Variants in UHRF2 observed in about 807,000 individuals in gnomAD.
The protein encoded by UHRF2 is E3 ubiquitin-protein ligase UHRF2.
In UHRF2, 23 loss-of-function variants were observed where a neutral mutation model predicts 96.8. That is an observed-to-expected ratio of 0.24 (90% confidence interval 0.17 to 0.34). The LOEUF (loss-of-function observed/expected upper bound fraction) is 0.34, where lower values mean the gene tolerates loss of function less well. Ranked by LOEUF, UHRF2 falls within the 10% of genes least tolerant of loss-of-function variation. The pLI, the probability that UHRF2 is intolerant of heterozygous loss-of-function variation, is 1.00. For synonymous variants in UHRF2, 385 were observed against 332.6 expected, an observed-to-expected ratio of 1.16 and a Z score of -1.72; for missense variants, 685 against 981.5, an observed-to-expected ratio of 0.70 and a Z score of 4.04.
intron 14 of UHRF2, among the ~76,000 whole-genome samples, chr9:6,502,092 A>G (rs544026013): frequency 1.9e-3 from 294 of 152,356 alleles, no homozygotes; most frequent in Admixed American, 3.1e-3. Context: ...AGCCAGGAAC[A>G]CATTTATTAA....
At chr9:6,485,524 A>C (rs1824213236) in intron 8 of UHRF2, among the ~76,000 whole-genome samples, 1 of 151,748 alleles carries the variant, frequency 6.6e-6, no homozygotes, top group Non-Finnish European at 1.5e-5. Flanking sequence ...CCTTCTGCTG[A>C]GGTGTTTCAA....
chr9:6,431,479 C>T (rs1431123433), intron 2 of UHRF2, among the ~76,000 whole-genome samples: 2 of 152,042 alleles, frequency 1.3e-5, no homozygotes, highest in Non-Finnish European at 2.9e-5. Flanking sequence ...TGGCATATAC[C>T]TGTAGTCCTA....
intron 6 of UHRF2, among the ~76,000 whole-genome samples, chr9:6,480,468 A>G (rs952835385): frequency 6.6e-6 from 1 of 152,242 alleles, no homozygotes; most frequent in African/African-American, 2.4e-5. Flanking sequence ...GGATGGTATA[A>G]TTAGAAGAGT....
chr9:6,465,255 T>G (rs1822789379), intron 4 of UHRF2, among the ~76,000 whole-genome samples: 1 of 152,234 alleles, frequency 6.6e-6, no homozygotes, highest in Non-Finnish European at 1.5e-5. Context: ...TGTAGGATTT[T>G]TACATTTGTA....
intron 6 of UHRF2, among the ~76,000 whole-genome samples, chr9:6,479,869 C>G (rs1158183876): frequency 6.6e-6 from 1 of 152,224 alleles, no homozygotes; most frequent in Non-Finnish European, 1.5e-5. Context: ...CCAGCCCAAA[C>G]TACCATCTCT....
chr9:6,439,986 TTTA>T (rs1821070852), intron 3 of UHRF2, among the ~76,000 whole-genome samples: 1 of 152,222 alleles, frequency 6.6e-6, no homozygotes, highest in African/African-American at 2.4e-5. Flanking sequence ...CTTGTTTCAT[TTTA>T]GTAAGTGTGT....
intron 1 of UHRF2, among the ~76,000 whole-genome samples, chr9:6,416,311 G>A (rs557482025): frequency 9.2e-5 from 14 of 152,042 alleles, no homozygotes; most frequent in Non-Finnish European, 2.1e-4. Flanking sequence ...CAGGTGATGC[G>A]CCCACCTCGG....
At chr9:6,489,530 C>A (rs371504516) in intron 9 of UHRF2, among the ~76,000 whole-genome samples, 4 of 152,196 alleles carry the variant, frequency 2.6e-5, no homozygotes, top group Admixed American at 6.5e-5. Context: ...ATGTTCCTAT[C>A]GGCAGTATAT....
intron 12 of UHRF2, chr9:6,498,618 C>T (rs1825104761): frequency 6.5e-6 from 1 of 154,794 alleles, no homozygotes; most frequent in African/African-American, 2.4e-5. Flanking sequence ...AAGCTGCTTC[C>T]CTGCCCTGCC....
At chr9:6,444,539 C>T (rs1303588192) in intron 3 of UHRF2, among the ~76,000 whole-genome samples, 1 of 152,206 alleles carries the variant, frequency 6.6e-6, no homozygotes, top group East Asian at 1.9e-4. Context: ...GAAACAGATT[C>T]CTGAGGGGAC....
chr9:6,452,937 A>G lies in UHRF2; in HGVS notation c.645-7636A>G, dbSNP rs7847139. Among the ~76,000 whole-genome samples, 688 of 152,302 alleles carry G rather than the reference A, an allele frequency of 4.5e-3. 5 individuals carry two copies. The highest frequency in any genetic ancestry group is 0.016 in the African/African-American group (649 of 41,554). On this transcript the variant is annotated intron_variant, in intron 3 of 15. Coordinates refer to ENST00000276893, the MANE Select transcript of UHRF2 (RefSeq NM_152896.3). ...AAAATATTAGGTAACATTTGAGCGCATAATAGGTTCCCGACTTTAAGAGTA... is the reference window on the plus strand; with the variant it reads ...AAAATATTAGGTAACATTTGAGCGCGTAATAGGTTCCCGACTTTAAGAGTA...
At chr9:6,433,872 G>A in intron 2 of UHRF2, 42 bp from the exon 3 acceptor site, 1 of 1,575,624 alleles carries the variant, frequency 6.3e-7, no homozygotes, top group Non-Finnish European at 8.6e-7. Flanking sequence ...TGAAGCAGTA[G>A]ACAAAATTAA....
At chr9:6,474,819 T>C (rs1364301163) in intron 4 of UHRF2, among the ~76,000 whole-genome samples, 1 of 152,222 alleles carries the variant, frequency 6.6e-6, no homozygotes, top group Admixed American at 6.5e-5. Context: ...CTGACAAGTA[T>C]GGTGTAGTAT....
chr9:6,482,242 T>A, intron 8 of UHRF2, 143 bp downstream of exon 8: 7 of 682,244 alleles, frequency 1.0e-5, no homozygotes, highest in South Asian at 1.9e-5. Flanking sequence ...GGGTGTACTC[T>A]TCCTGGAGGT....
intron 15 of UHRF2, 96 bp downstream of exon 15, chr9:6,504,787 G>C: frequency 1.0e-6 from 1 of 962,868 alleles, no homozygotes; most frequent in Non-Finnish European, 1.5e-6. Flanking sequence ...TTTCCGTGAA[G>C]CGGGATAGTT....
chr9:6,505,505 C>T (rs1209000071), intron 15 of UHRF2, among the ~76,000 whole-genome samples: 1 of 152,172 alleles, frequency 6.6e-6, no homozygotes, highest in Non-Finnish European at 1.5e-5. Context: ...CCATGTTGGC[C>T]AGGTTAGTCT....
intron 3 of UHRF2, among the ~76,000 whole-genome samples, chr9:6,445,395 C>T (rs188034708): frequency 1.5e-3 from 226 of 152,058 alleles, no homozygotes; most frequent in Non-Finnish European, 2.5e-3. Flanking sequence ...TCCTGAGTAA[C>T]GGATTACAGG....
chr9:6,500,467 T>C, intron 13 of UHRF2, 85 bp from the exon 14 acceptor site: 1 of 1,173,570 alleles, frequency 8.5e-7, no homozygotes, highest in Non-Finnish European at 1.2e-6. Flanking sequence ...TGCTAAACAT[T>C]ACTTGTGCCA....
chr9:6,417,833 T>G (rs1226010171), intron 1 of UHRF2, among the ~76,000 whole-genome samples: 2 of 152,184 alleles, frequency 1.3e-5, no homozygotes, highest in African/African-American at 2.4e-5. Flanking sequence ...GTTGAAACAG[T>G]TTGTATTTAC....
Sources: gnomAD v4.1 joint callset for allele counts (sites outside exome capture counted in the v4.1 genomes callset) on GRCh38, gnomAD v4.1.1 for gene constraint, MANE v1.5 for transcripts, NCBI Gene and HGNC (gene_info 2026-07-23, HGNC 2026-07-21) for gene names.